RIPOR3: variants seen among roughly 807,000 people sequenced by gnomAD.
RIPOR3 encodes the protein family with sequence similarity 65 member C.
RIPOR3 carries 95 observed loss-of-function variants against 114.3 expected under a neutral mutation model. The ratio of observed to expected loss-of-function variants is 0.83; its 90% CI spans 0.70 to 0.99. RIPOR3 has a LOEUF of 0.99. Ranked by LOEUF, RIPOR3 falls within the 50% of genes least tolerant of loss-of-function variation. The pLI is 0.00. For missense variants in RIPOR3, 1,252 were observed against 1,266.9 expected (o/e 0.99, Z 0.18); for synonymous variants, 575 against 543.8 (o/e 1.06, Z -0.80).
At chr20:50,615,867 G>A (rs1403416851) in intron 4 of RIPOR3, 135 bp downstream of exon 4, 10 of 784,816 alleles carry the variant, frequency 1.3e-5, no homozygotes, top group Admixed American at 5.4e-5. Flanking sequence ...TCAGTGCAAC[G>A]TGAAGAGGCT....
rs562992068 is a variant in RIPOR3 at position 50,612,719 on chromosome 20, G to A, written c.349-1515C>T. ...GATTGAATAGAGGAGGGCGTCAATC[G>A]AGAAAGAAAGAAGGATTCAACCCCA... On this transcript the variant is annotated intron_variant, in intron 4 of 21. Transcript: ENST00000327979. Among the ~76,000 whole-genome samples the A allele has an allele frequency of 3.5e-4, 53 of 151,886 alleles. No homozygotes were observed. The Middle Eastern group carries it at 0.01, about 29-fold the overall frequency.
In RIPOR3 at chr20:50,610,921, A is replaced by G; in HGVS notation, c.373-15T>C. On this transcript the variant is annotated splice_polypyrimidine_tract_variant and intron_variant, in intron 5 of 21. Coordinates refer to ENST00000327979, the MANE Select transcript of RIPOR3 (RefSeq NM_001290268.2). ...CAGCGCGTTTGCTTCTCCCGGAAAA[A>G]GGGAAGATGTTTGCAAAGTTGCCTG... is the stretch of plus-strand genomic sequence containing the variant. The G allele has an allele frequency of 6.2e-7, 1 of 1,614,122 alleles. No homozygotes were observed. Among genetic ancestry groups the G allele is most frequent in the Non-Finnish European group, 8.5e-7 (1 of 1,180,004 alleles).
intron 7 of RIPOR3, 23 bp downstream of exon 7, chr20:50,609,550 C>T (rs1347316258): frequency 7.0e-7 from 1 of 1,429,462 alleles, no homozygotes; most frequent in East Asian, 2.6e-5. Context: ...CCCTGCTGCC[C>T]AGCCCAGCTT....
intron 1 of RIPOR3, among the ~76,000 whole-genome samples, chr20:50,684,072 C>G (rs981456261): frequency 1.3e-5 from 2 of 151,730 alleles, no homozygotes; most frequent in Non-Finnish European, 1.5e-5. Flanking sequence ...CAGTGTGAGG[C>G]TCCATCTCAA....
chr20:50,610,844 C>T lies in RIPOR3; in HGVS notation c.426+9G>A. On this transcript the variant is annotated intron_variant, in intron 6 of 21. Transcript: ENST00000327979. Reference sequence around the variant, plus strand: ...CACCCCACCCTGCAACATCCACGAGCCAGCTGACCTTGCTGATGTGAAACT... The same window carrying T: ...CACCCCACCCTGCAACATCCACGAGTCAGCTGACCTTGCTGATGTGAAACT... 1 of 1,614,218 alleles carries T rather than the reference C, an allele frequency of 6.2e-7. No individual in the cohort carries two copies. The highest frequency in any genetic ancestry group is 8.5e-7 in the Non-Finnish European group (1 of 1,180,050).
At chr20:50,608,110 G>A (rs1268907746) in intron 11 of RIPOR3, among the ~76,000 whole-genome samples, 4 of 152,144 alleles carry the variant, frequency 2.6e-5, no homozygotes, top group African/African-American at 7.2e-5. Flanking sequence ...AGCCAAGCCC[G>A]GGAGGCCCCG....
chr20:50,589,180 A>C (rs2083029882), intron 20 of RIPOR3, among the ~76,000 whole-genome samples: 2 of 150,756 alleles, frequency 1.3e-5, no homozygotes, highest in Non-Finnish European at 3.0e-5. Context: ...CTATGTTTGG[A>C]TCAACAATTT....
At position 50,682,636 on chromosome 20, in the gene RIPOR3, G is replaced by A. The variant is rs1005198020; in HGVS notation, c.3+8490C>T. ...TATGTGTGTGTGTGTGTGTCTGCAT[G>A]TATGTGCCAGAAGACAAGATATATC... is the stretch of plus-strand genomic sequence containing the variant. On this transcript the variant is annotated intron_variant, in intron 1 of 21. Coordinates refer to ENST00000327979, the MANE Select transcript of RIPOR3 (RefSeq NM_001290268.2). 5.3e-5 allele frequency among the ~76,000 whole-genome samples: 8 copies of A among 152,276 alleles called. No homozygotes were observed. In the South Asian group the frequency reaches 8.3e-4, roughly 16 times the overall value.
rs2084775520 is a variant in RIPOR3, at chr20:50,630,494, C to G, written c.122+244G>C. On this transcript the variant is annotated intron_variant, in intron 2 of 21. Coordinates refer to ENST00000327979, the MANE Select transcript of RIPOR3 (RefSeq NM_001290268.2). ...ACTTCTGGAGACTTTGAAATGATAA[C>G]TGTTCAGGTTTCAAGGAAATGATAG... 2.0e-5 allele frequency among the ~76,000 whole-genome samples: 3 copies of G among 152,162 alleles called. No individual in the cohort carries two copies. In the South Asian group the frequency reaches 6.2e-4, roughly 32 times the overall value.
intron 2 of RIPOR3, among the ~76,000 whole-genome samples, chr20:50,627,266 C>T (rs1240503113): frequency 6.6e-6 from 1 of 151,180 alleles, no homozygotes; most frequent in Non-Finnish European, 1.5e-5. Context: ...TCTGGGAGGC[C>T]GAGGCAGGTG....
intron 1 of RIPOR3, among the ~76,000 whole-genome samples, chr20:50,644,676 CTTTTTTTTTTTTTTTTTT>C (rs61225138): frequency 1.3e-5 from 1 of 74,614 alleles, no homozygotes; most frequent in Non-Finnish European, 2.5e-5. Context: ...TTTTTGTTTG[CTTTTTTTTTTTTTTTTTT>C]TTTTTTTTGT....
In RIPOR3 at chr20:50,673,735, C is replaced by T. The variant is rs189064167; in HGVS notation, c.3+17391G>A. 2.6e-4 allele frequency among the ~76,000 whole-genome samples: 39 copies of T among 152,348 alleles called. No individual in the cohort carries two copies. In the East Asian group the frequency reaches 6.0e-3, roughly 23 times the overall value. Reference sequence around the variant, plus strand: ...ATCAGGCCCCAGTCCGGCCTCACCACGCCTCCATGCTCTCCTCAGCGTCAA... The same window carrying T: ...ATCAGGCCCCAGTCCGGCCTCACCATGCCTCCATGCTCTCCTCAGCGTCAA... On this transcript the variant is annotated intron_variant, in intron 1 of 21. Transcript: ENST00000327979.
chr20:50,612,331 G>A (rs1225794693), intron 4 of RIPOR3, among the ~76,000 whole-genome samples: 1 of 152,070 alleles, frequency 6.6e-6, no homozygotes, highest in Non-Finnish European at 1.5e-5. Context: ...AGCAGCCACA[G>A]ACAATATGTA....
chr20:50,589,098 A>G (rs1237477330), intron 20 of RIPOR3, among the ~76,000 whole-genome samples: 93 of 138,652 alleles, frequency 6.7e-4, no homozygotes, highest in Admixed American at 2.7e-3. Flanking sequence ...AAAAAAAAAA[A>G]AAAAAAAAAA....
intron 1 of RIPOR3, among the ~76,000 whole-genome samples, chr20:50,661,019 C>T (rs2085977624): frequency 1.3e-5 from 2 of 151,948 alleles, no homozygotes; most frequent in Non-Finnish European, 2.9e-5. Flanking sequence ...GAGTGGATCA[C>T]CTGAGGTCAG....
intron 14 of RIPOR3, 78 bp downstream of exon 14, chr20:50,597,502 C>A: frequency 6.5e-7 from 1 of 1,532,756 alleles, no homozygotes; most frequent in East Asian, 2.4e-5. Flanking sequence ...GACGGGGAGG[C>A]TGGCAGGAAA....
intron 11 of RIPOR3, among the ~76,000 whole-genome samples, chr20:50,607,644 C>G (rs922159868): frequency 6.6e-6 from 1 of 152,136 alleles, no homozygotes; most frequent in African/African-American, 2.4e-5. Context: ...GGGGTATTCT[C>G]AGCCCTACCA....
chr20:50,657,463 G>T (rs1005054902), intron 1 of RIPOR3, among the ~76,000 whole-genome samples: 3 of 152,082 alleles, frequency 2.0e-5, no homozygotes, highest in African/African-American at 4.8e-5. Context: ...GGAGGTGGAG[G>T]TTGCAGTGAG....
intron 11 of RIPOR3, among the ~76,000 whole-genome samples, chr20:50,605,567 G>A (rs984782857): frequency 2.6e-5 from 4 of 151,846 alleles, no homozygotes; most frequent in Non-Finnish European, 2.9e-5. Flanking sequence ...TCAGGAGTTC[G>A]AGACCAGCCT....
Sources: allele counts gnomAD v4.1 joint callset (sites outside exome capture counted in the v4.1 genomes callset), GRCh38; gene constraint gnomAD v4.1.1; transcripts MANE v1.5; gene names NCBI Gene and HGNC (gene_info 2026-07-23, HGNC 2026-07-21).